ARB2A: variants seen among roughly 807,000 people sequenced by gnomAD.
ARB2A encodes the protein ARB2 cotranscriptional regulator A, also known as cotranscriptional regulator ARB2A.
the ARB2A span, among the ~76,000 whole-genome samples, chr5:93,966,835 A>G: frequency 1.3e-5 from 2 of 152,040 alleles, no homozygotes; most frequent in African/African-American, 4.8e-5. Context: ...TACTACTCGA[A>G]TATCGTTACC....
At chr5:93,675,245 C>A in the ARB2A span, among the ~76,000 whole-genome samples, 1 of 152,258 alleles carries the variant, frequency 6.6e-6, no homozygotes, top group East Asian at 1.9e-4. Flanking sequence ...CAGTTGTTCA[C>A]GATCCTACAG....
the ARB2A span, among the ~76,000 whole-genome samples, chr5:93,667,393 T>C: frequency 2.6e-5 from 4 of 152,316 alleles, no homozygotes; most frequent in African/African-American, 9.6e-5. Context: ...ACTCTTATAG[T>C]GCCTAAACTA....
chr5:94,033,861 G>T, the ARB2A span, among the ~76,000 whole-genome samples: 1 of 152,188 alleles, frequency 6.6e-6, no homozygotes, highest in South Asian at 2.1e-4. Flanking sequence ...ATTGGGAAGT[G>T]GTGCCTTTAA....
chr5:93,758,559 TG>T, the ARB2A span, among the ~76,000 whole-genome samples: 1 of 152,020 alleles, frequency 6.6e-6, no homozygotes, highest in Non-Finnish European at 1.5e-5. Flanking sequence ...CAGACCACAG[TG>T]GAATAAAACT....
chr5:93,944,523 G>A, the ARB2A span, among the ~76,000 whole-genome samples: 22 of 151,906 alleles, frequency 1.4e-4, no homozygotes, highest in African/African-American at 4.3e-4. Context: ...GGTCAAGGCT[G>A]CAGTGAGTCA....
At chr5:94,041,953 T>C in the ARB2A span, among the ~76,000 whole-genome samples, 1 of 152,114 alleles carries the variant, frequency 6.6e-6, no homozygotes, top group Non-Finnish European at 1.5e-5. Flanking sequence ...AAATGAAAAT[T>C]ACTAAGAGTT....
chr5:93,676,289 A>C, the ARB2A span, among the ~76,000 whole-genome samples: 1 of 152,134 alleles, frequency 6.6e-6, no homozygotes, highest in Non-Finnish European at 1.5e-5. Flanking sequence ...TCCCCTGAAG[A>C]CATTTTACAT....
At chr5:94,097,054 C>T in the ARB2A span, among the ~76,000 whole-genome samples, 7 of 152,170 alleles carry the variant, frequency 4.6e-5, no homozygotes, top group African/African-American at 1.7e-4. Flanking sequence ...GTGCAGAGCC[C>T]AGAGGCTCTG....
chr5:93,780,704 C>T, the ARB2A span, among the ~76,000 whole-genome samples: 375 of 152,078 alleles, frequency 2.5e-3, 1 homozygote, highest in African/African-American at 8.7e-3. Flanking sequence ...GGATTACGGG[C>T]GCCTGCCACC....
At chr5:94,084,294 GA>G in the ARB2A span, among the ~76,000 whole-genome samples, 1 of 120,454 alleles carries the variant, frequency 8.3e-6, no homozygotes, top group African/African-American at 3.1e-5. Flanking sequence ...AAAAAAAAAA[GA>G]AAAGAAAATA....
At chr5:93,794,610 T>C in the ARB2A span, among the ~76,000 whole-genome samples, 4 of 152,184 alleles carry the variant, frequency 2.6e-5, no homozygotes, top group Non-Finnish European at 4.4e-5. Context: ...CACAGGGTGC[T>C]CCCTTGATGT....
chr5:93,737,985 T>C, the ARB2A span: 1 of 425,638 alleles, frequency 2.3e-6, no homozygotes, highest in South Asian at 1.7e-5. Context: ...TTAATAAAAA[T>C]TAAAGTCTGT....
the ARB2A span, among the ~76,000 whole-genome samples, chr5:93,921,019 G>C: frequency 1.4e-3 from 209 of 152,068 alleles, no homozygotes; most frequent in African/African-American, 4.6e-3. Context: ...AGTGATGCTG[G>C]AAGTGCTCCC....
the ARB2A span, among the ~76,000 whole-genome samples, chr5:94,089,400 G>T: frequency 6.6e-6 from 1 of 151,992 alleles, no homozygotes; most frequent in Admixed American, 6.6e-5. Flanking sequence ...TTGTTCCTTT[G>T]AAATATTATC....
the ARB2A span, among the ~76,000 whole-genome samples, chr5:94,068,307 C>T: frequency 3.3e-5 from 5 of 152,182 alleles, no homozygotes; most frequent in East Asian, 1.9e-4. Flanking sequence ...CAATTGGGAG[C>T]GGCAATGGGC....
At chr5:93,845,201 A>T in the ARB2A span, among the ~76,000 whole-genome samples, 2 of 152,214 alleles carry the variant, frequency 1.3e-5, no homozygotes, top group Admixed American at 6.5e-5. Context: ...ATCTTCAACT[A>T]GGAGTTTTCA....
the ARB2A span, among the ~76,000 whole-genome samples, chr5:93,699,914 T>C: frequency 6.6e-6 from 1 of 151,818 alleles, no homozygotes; most frequent in Non-Finnish European, 1.5e-5. Context: ...TGCAGAACTA[T>C]GTATTTGCTC....
chr5:94,043,628 C>T, the ARB2A span, among the ~76,000 whole-genome samples: 1 of 152,150 alleles, frequency 6.6e-6, no homozygotes, highest in African/African-American at 2.4e-5. Context: ...CATACTTTAC[C>T]TACACAGTCC....
the ARB2A span, among the ~76,000 whole-genome samples, chr5:93,827,946 A>G: frequency 6.6e-6 from 1 of 151,828 alleles, no homozygotes; most frequent in African/African-American, 2.4e-5. Context: ...GTTCTGTTCC[A>G]TTGATCTCTG....
Sources: gnomAD v4.1 joint callset for allele counts (sites outside exome capture counted in the v4.1 genomes callset) on GRCh38, gnomAD v4.1.1 for gene constraint, MANE v1.5 for transcripts, NCBI Gene and HGNC (gene_info 2026-07-23, HGNC 2026-07-21) for gene names.